The following MBTD1 variants were observed in gnomAD, a reference collection of about 807,000 sequenced individuals.
MBTD1 encodes the protein MBT domain-containing protein 1.
A neutral mutation model predicts 87.8 loss-of-function variants in MBTD1; 24 were observed. The ratio of observed to expected loss-of-function variants is 0.27; its 90% confidence interval spans 0.20 to 0.38. MBTD1 has a LOEUF of 0.38. Among genes scored for constraint, MBTD1 ranks in the 10% least tolerant of loss-of-function variants. MBTD1 has a pLI of 1.00. For missense variants in MBTD1, 436 were observed against 760.2 expected (o/e 0.57, Z 5.02); for synonymous variants, 237 against 248.6 (o/e 0.95, Z 0.44).
chr17:51,244,760 TCTTC>T (rs2054336482), intron 2 of MBTD1, among the ~76,000 whole-genome samples: 2 of 152,128 alleles, frequency 1.3e-5, no homozygotes, highest in South Asian at 2.1e-4. Context: ...TTCCTTACTT[TCTTC>T]CTTATCAAGA....
chr17:51,229,294 T>A (rs1006140868), intron 2 of MBTD1, among the ~76,000 whole-genome samples: 2 of 152,116 alleles, frequency 1.3e-5, no homozygotes, highest in African/African-American at 4.8e-5. Context: ...GCTACACAGA[T>A]ACAGTTTTTT....
In MBTD1 at chr17:51,217,327, T is replaced by C. The variant is rs2052627101; in HGVS notation, c.486+7A>G. 6.7e-7 allele frequency: 1 copy of C among 1,499,780 alleles called. No individual in the cohort carries two copies. The highest frequency in any genetic ancestry group is 9.0e-7 in the Non-Finnish European group (1 of 1,110,086). 92.9% of individuals were successfully genotyped at this position (1,499,780 alleles called of 1,614,324 possible). On this transcript the variant is annotated splice_region_variant and intron_variant, in intron 6 of 16. Coordinates refer to ENST00000586178, the MANE Select transcript of MBTD1 (RefSeq NM_017643.3). ...CTTCAAAATAAGGTGAGAAATTCTGTACTTACATGTTTAAAACAGGTAACC... is the reference window on the plus strand; with the variant it reads ...CTTCAAAATAAGGTGAGAAATTCTGCACTTACATGTTTAAAACAGGTAACC...
At chr17:51,243,055 C>T (rs1286809866) in intron 2 of MBTD1, among the ~76,000 whole-genome samples, 1 of 152,156 alleles carries the variant, frequency 6.6e-6, no homozygotes, top group Non-Finnish European at 1.5e-5. Context: ...TGTGTTTATA[C>T]TGTGCATGGT....
Position 51,220,583 on chromosome 17 carries a change from A to C in MBTD1, c.155-120T>G, listed in dbSNP as rs1489145407. The C allele has an allele frequency of 2.4e-5, 20 of 828,056 alleles. No individual in the cohort carries two copies. The South Asian group carries it at 3.7e-4, about 15-fold the overall frequency. The allele number at this position is 828,056 out of a possible 1,614,324, so 51.3% of individuals were successfully genotyped here. On this transcript the variant is annotated intron_variant, in intron 3 of 16. Coordinates refer to ENST00000586178, the MANE Select transcript of MBTD1 (RefSeq NM_017643.3). ...TTTAATTAAAAAATTTGCCTTGAAC[A>C]TTTCTTCTATCTCCTATACAAATGA...
chr17:51,222,893 T>G (rs2215417), intron 3 of MBTD1, among the ~76,000 whole-genome samples: 1 of 150,954 alleles, frequency 6.6e-6, no homozygotes. Context: ...CTCTGCCTCC[T>G]GGGTACAAGC....
chr17:51,253,678 T>A lies in MBTD1; in HGVS notation c.-49+5465A>T, dbSNP rs546063048. ...CTAACTTTTCAATATTTTTCTTTTTTAAAACATTATAGGTGTACTTCTATA... is the reference window on the plus strand; with the variant it reads ...CTAACTTTTCAATATTTTTCTTTTTAAAAACATTATAGGTGTACTTCTATA... On this transcript the variant is annotated intron_variant, in intron 2 of 16. Coordinates refer to ENST00000586178, the MANE Select transcript of MBTD1 (RefSeq NM_017643.3). 1.2e-4 allele frequency among the ~76,000 whole-genome samples: 18 copies of A among 152,260 alleles called. No individual in the cohort carries two copies. The East Asian group carries it at 3.1e-3, about 26-fold the overall frequency.
At chr17:51,181,919 C>T (rs896080346) in intron 16 of MBTD1, among the ~76,000 whole-genome samples, 2 of 152,172 alleles carry the variant, frequency 1.3e-5, no homozygotes, top group South Asian at 2.1e-4. Context: ...GCCACAGCGC[C>T]TGGCTGTGTT....
chr17:51,220,610 A>G (rs2052829759), intron 3 of MBTD1, 147 bp from the exon 4 acceptor site: 2 of 657,918 alleles, frequency 3.0e-6, no homozygotes, highest in Non-Finnish European at 5.0e-6. Flanking sequence ...TACAAATGAT[A>G]AAGAAGCCTG....
intron 16 of MBTD1, among the ~76,000 whole-genome samples, chr17:51,187,000 T>C (rs541889219): frequency 2.0e-5 from 3 of 152,290 alleles, no homozygotes; most frequent in South Asian, 2.1e-4. Context: ...GTTACTGATA[T>C]GAAATGTGCT....
At chr17:51,213,787 G>A (rs1004406391) in intron 6 of MBTD1, among the ~76,000 whole-genome samples, 12 of 152,114 alleles carry the variant, frequency 7.9e-5, no homozygotes, top group Non-Finnish European at 1.8e-4. Flanking sequence ...CAAATGTCAG[G>A]AGCCAAGGCT....
chr17:51,244,486 C>T lies in MBTD1; in HGVS notation c.-49+14657G>A, dbSNP rs534030458. Among the ~76,000 whole-genome samples the T allele has an allele frequency of 3.9e-5, 6 of 152,296 alleles. No individual in the cohort carries two copies. The East Asian group carries it at 1.2e-3, about 29-fold the overall frequency. ...GCAGTGGCATGATCTCAGCTCACTG[C>T]AACCTCTGCCTCCCGGGTTCAAGTG... On this transcript the variant is annotated intron_variant, in intron 2 of 16. Coordinates refer to ENST00000586178, the MANE Select transcript of MBTD1 (RefSeq NM_017643.3).
rs938458416 is a variant in MBTD1 at position 51,179,342 on chromosome 17, A to C, written c.*1234T>G. ...CTCAGTAGAAAGTTAGAAAATGCAG[A>C]GAGCAAACCTTTCACCAGTTTACCC... On this transcript the variant is annotated 3_prime_UTR_variant, in exon 17 of 17. Coordinates refer to ENST00000586178, the MANE Select transcript of MBTD1 (RefSeq NM_017643.3). 1.3e-5 allele frequency: 2 copies of C among 150,240 alleles called. No individual in the cohort carries two copies. Among genetic ancestry groups the C allele is most frequent in the African/African-American group, 4.9e-5 (2 of 41,098 alleles). 9.3% of individuals were successfully genotyped at this position (150,240 alleles called of 1,614,324 possible).
At position 51,202,661 on chromosome 17, in the gene MBTD1, A is replaced by T. The variant is rs768831484; in HGVS notation, c.1063+40T>A. 3.5e-6 allele frequency: 5 copies of T among 1,442,482 alleles called. 1 individual carries two copies. In the South Asian group the frequency reaches 5.7e-5, roughly 16 times the overall value. The allele number at this position is 1,442,482 out of a possible 1,614,324, so 89.4% of individuals were successfully genotyped here. On this transcript the variant is annotated intron_variant, in intron 10 of 16. Coordinates refer to ENST00000586178, the MANE Select transcript of MBTD1 (RefSeq NM_017643.3). Reference sequence around the variant, plus strand: ...ATAACCAACTAGTATAATCAGCCTCAATGATGCTTTTGACAGGAGTTCTTG... The same window carrying T: ...ATAACCAACTAGTATAATCAGCCTCTATGATGCTTTTGACAGGAGTTCTTG...
At chr17:51,252,248 C>T (rs2144221394) in intron 2 of MBTD1, among the ~76,000 whole-genome samples, 2 of 152,284 alleles carry the variant, frequency 1.3e-5, no homozygotes, top group Middle Eastern at 6.8e-3. Context: ...TGCCCAAGAT[C>T]ATATAACCAC....
chr17:51,218,555 AAT>A (rs1568193981), intron 5 of MBTD1, among the ~76,000 whole-genome samples: 4 of 150,378 alleles, frequency 2.7e-5, no homozygotes, highest in Admixed American at 6.7e-5. Context: ...AAAAAAAAAA[AAT>A]CTATTGGAAA....
intron 13 of MBTD1, among the ~76,000 whole-genome samples, chr17:51,194,958 GTT>G (rs1163352960): frequency 6.6e-6 from 1 of 152,146 alleles, no homozygotes; most frequent in Non-Finnish European, 1.5e-5. Flanking sequence ...ACTCAACAGA[GTT>G]TGAGAATACC....
At chr17:51,258,593 T>TGTG (rs2055234633) in intron 2 of MBTD1, among the ~76,000 whole-genome samples, 2 of 151,340 alleles carry the variant, frequency 1.3e-5, no homozygotes, top group Admixed American at 6.6e-5. Flanking sequence ...CAAATACGGG[T>TGTG]GTGGGCGGTA....
rs1342851458 is a variant in MBTD1, at chr17:51,177,958, T to A, written c.*2618A>T. ...CATCACGCAAAATTAATAATAATAA[T>A]AAAAACAAACAAACACTGAAAACCC... On this transcript the variant is annotated 3_prime_UTR_variant, in exon 17 of 17. Coordinates refer to ENST00000586178, the MANE Select transcript of MBTD1 (RefSeq NM_017643.3). The A allele has an allele frequency of 6.7e-6, 1 of 150,182 alleles. No individual in the cohort carries two copies. The highest frequency in any genetic ancestry group is 1.5e-5 in the Non-Finnish European group (1 of 67,088). 9.3% of individuals were successfully genotyped at this position (150,182 alleles called of 1,614,324 possible). A position where few individuals can be genotyped will look rare whatever the true frequency, so the allele number is the denominator to read the frequency against.
intron 3 of MBTD1, among the ~76,000 whole-genome samples, chr17:51,224,556 C>T (rs2053102337): frequency 6.6e-6 from 1 of 151,872 alleles, no homozygotes; most frequent in Admixed American, 6.6e-5. Context: ...TTTTCATTTC[C>T]TTTTTCTTTT....
Sources: gnomAD v4.1 joint callset for allele counts (sites outside exome capture counted in the v4.1 genomes callset) on GRCh38, gnomAD v4.1.1 for gene constraint, MANE v1.5 for transcripts, NCBI Gene and HGNC (gene_info 2026-07-23, HGNC 2026-07-21) for gene names.